Variants in PLA2G2A observed in about 807,000 individuals in gnomAD.
PLA2G2A encodes phospholipase A2, membrane associated.
Under a neutral mutation model 11.2 loss-of-function variants are expected in PLA2G2A, and 6 were observed. That is an observed-to-expected ratio of 0.54 (90% CI 0.29 to 1.06). PLA2G2A has a LOEUF of 1.06. Ranked by LOEUF, PLA2G2A falls within the 50% of genes least tolerant of loss-of-function variation. The probability of loss-of-function intolerance (pLI) is 0.08; values close to 1 mark genes in which losing one functional copy is unlikely to be tolerated. For missense variants in PLA2G2A, 133 were observed against 177.1 expected, an observed-to-expected ratio of 0.75 and a Z score of 1.41; for synonymous variants, 69 against 65.8, an observed-to-expected ratio of 1.05 and a Z score of -0.23.
At chr1:19,980,359 C>T (rs1342090175), upstream of PLA2G2A, 1 of 152,430 alleles carries the variant, frequency 6.6e-6, no homozygotes, top group African/African-American at 2.4e-5. Context: ...TCCCCATCCT[C>T]ACCTGTTTGG....
intron 4 of PLA2G2A, 36 bp downstream of exon 4, chr1:19,977,979 A>G (rs780972834): frequency 4.0e-6 from 5 of 1,242,188 alleles, no homozygotes; most frequent in Non-Finnish European, 6.0e-6. Context: ...TGTCTAAACA[A>G]ATGAGGGCCA....
At chr1:19,979,761 C>T (rs2046276601), upstream of PLA2G2A, 2 of 152,302 alleles carry the variant, frequency 1.3e-5, no homozygotes, top group South Asian at 2.1e-4. Context: ...CCCTTTCCTT[C>T]CCCTCATCAG....
At chr1:19,979,004 C>A (rs980921367) in intron 1 of PLA2G2A, 125 bp from the exon 2 acceptor site, 256 of 613,528 alleles carry the variant, frequency 4.2e-4, no homozygotes, top group Non-Finnish European at 4.4e-4. Flanking sequence ...CACACACAAC[C>A]ACCTCCTGAC....
rs1355007387 is a variant in PLA2G2A at position 19,977,960 on chromosome 1, C to T, written c.292+55G>A. ...GTCTATCTTTGGTGCCCAGCACAGT[C>T]CCCAGCACTGTCTAAACAAATGAGG... On this transcript the variant is annotated intron_variant, in intron 4 of 4. Transcript: ENST00000482011. 5.8e-6 allele frequency: 6 copies of T among 1,028,664 alleles called. No individual in the cohort carries two copies. In the East Asian group the frequency reaches 9.4e-5, roughly 16 times the overall value. The allele number at this position is 1,028,664 out of a possible 1,614,324, so 63.7% of individuals were successfully genotyped here.
At chr1:19,980,354 AT>A (rs1399251388), upstream of PLA2G2A, 1 of 152,340 alleles carries the variant, frequency 6.6e-6, no homozygotes, top group Non-Finnish European at 1.5e-5. Context: ...TTTATTCCCC[AT>A]CCTCACCTGT....
In PLA2G2A at chr1:19,978,510, GGGCCTGCAGTAGGCC is replaced by G; in HGVS notation, c.41-1_54del. ...CTGTGGAAATTCACCAAATTCCCAT[GGGCCTGCAGTAGGCC>G]TGGAAGGAAATTTGGGAGTTGTCTG... On this transcript the variant is annotated splice_acceptor_variant and coding_sequence_variant, in exon 3 of 5. Transcript: ENST00000482011. LOFTEE classifies it high-confidence loss of function. 6.2e-7 allele frequency: 1 copy of G among 1,613,652 alleles called. No individual in the cohort carries two copies.
intron 4 of PLA2G2A, among the ~76,000 whole-genome samples, chr1:19,976,436 A>G (rs1168330307): frequency 1.3e-5 from 2 of 152,180 alleles, no homozygotes; most frequent in Non-Finnish European, 2.9e-5. Context: ...AGAAGGCTGG[A>G]TTCTTAATGA....
chr1:19,975,526 G>T (rs958224991), downstream of PLA2G2A: 10 of 662,512 alleles, frequency 1.5e-5, no homozygotes, highest in Admixed American at 9.3e-5. Context: ...GCAGTAGAAG[G>T]CTGGAAATCT....
rs988844638 is a variant in PLA2G2A at position 19,979,429 on chromosome 1, C to T, written c.-107+151G>A. ...AGTGCCAACATCCTCTCTTACACTA[C>T]ACTCACATACTCACTCAACACACTC... On this transcript the variant is annotated intron_variant, in intron 1 of 4. Coordinates refer to ENST00000482011, the Ensembl canonical transcript of PLA2G2A. 3.9e-5 allele frequency among the ~76,000 whole-genome samples: 6 copies of T among 152,290 alleles called. No homozygotes were observed. The East Asian group carries it at 1.2e-3, about 29-fold the overall frequency.
At chr1:19,975,583 C>T (rs2046207988), downstream of PLA2G2A, 1 of 948,408 alleles carries the variant, frequency 1.1e-6, no homozygotes, top group African/African-American at 1.6e-5. Context: ...CCTGCCTGGC[C>T]TCTAGGATGG....
chr1:19,978,073 T>C, exon 4 of PLA2G2A: 1 of 1,614,072 alleles, frequency 6.2e-7, no homozygotes, highest in East Asian at 2.2e-5. Context: ...TGGTGCCACA[T>C]CCACGTTTCT....
intron 3 of PLA2G2A, 83 bp from the exon 4 acceptor site, chr1:19,978,204 G>A: frequency 7.4e-7 from 1 of 1,347,914 alleles, no homozygotes; most frequent in Non-Finnish European, 1.1e-6. Context: ...TTGGACCCTG[G>A]GCAGAGACCC....
At chr1:19,978,202 T>C in intron 3 of PLA2G2A, 81 bp from the exon 4 acceptor site, 1 of 1,351,316 alleles carries the variant, frequency 7.4e-7, no homozygotes. Context: ...CCTTGGACCC[T>C]GGGCAGAGAC....
rs866072981 is a variant in PLA2G2A at position 19,976,364 on chromosome 1, G to A, written c.293-521C>T. On this transcript the variant is annotated intron_variant, in intron 4 of 4. Coordinates refer to ENST00000482011, the Ensembl canonical transcript of PLA2G2A. ...AGTATGAGGCCAGGAGGGTGGACCT[G>A]CAGCCTGTCTCTTGACATCCCAGGT... is the stretch of plus-strand genomic sequence containing the variant. Among the ~76,000 whole-genome samples, 5 of 152,328 alleles carry A rather than the reference G, an allele frequency of 3.3e-5. No individual in the cohort carries two copies. The South Asian group carries it at 1.0e-3, about 32-fold the overall frequency.
intron 1 of PLA2G2A, 47 bp from the exon 2 acceptor site, chr1:19,978,926 A>G (rs774544866): frequency 7.6e-5 from 54 of 709,874 alleles, no homozygotes; most frequent in Non-Finnish European, 1.2e-4. Context: ...GTCCAGGGTG[A>G]CTTCCTCTGT....
upstream of PLA2G2A, chr1:19,980,366 T>G (rs1423035890): frequency 1.3e-5 from 2 of 152,430 alleles, no homozygotes; most frequent in Admixed American, 1.3e-4. Flanking sequence ...CCTCACCTGT[T>G]TGGAGACAGG....
chr1:19,977,894 T>C, intron 4 of PLA2G2A, 121 bp downstream of exon 4: 4 of 746,834 alleles, frequency 5.4e-6, no homozygotes, highest in Non-Finnish European at 9.9e-6. Flanking sequence ...GGCTTCCCAC[T>C]CAACCGTGAG....
At chr1:19,975,674 G>A (rs1308098462) in exon 5 of PLA2G2A, 2 of 1,609,744 alleles carry the variant, frequency 1.2e-6, no homozygotes, top group Admixed American at 1.7e-5. Context: ...TCAGCACTGG[G>A]TGGAAGGTTT....
At chr1:19,975,683 T>C in exon 5 of PLA2G2A, 1 of 1,611,904 alleles carries the variant, frequency 6.2e-7, no homozygotes, top group South Asian at 1.1e-5. Flanking sequence ...GGTGGAAGGT[T>C]TCCAGGGAAG....
Sources: gnomAD v4.1 joint callset for allele counts (sites outside exome capture counted in the v4.1 genomes callset) on GRCh38, gnomAD v4.1.1 for gene constraint, MANE v1.5 for transcripts, NCBI Gene and HGNC (gene_info 2026-07-23, HGNC 2026-07-21) for gene names.